Variants in EIF4G3 observed in about 807,000 individuals in gnomAD.
The protein encoded by EIF4G3 is eukaryotic translation initiation factor 4 gamma 3.
Under a neutral mutation model 186.4 loss-of-function variants are expected in EIF4G3, and 34 were observed. That is an observed-to-expected ratio of 0.18 (90% confidence interval 0.14 to 0.24). The LOEUF is 0.24. EIF4G3 is among the 10% of genes least tolerant of loss of function. EIF4G3 has a pLI of 1.00. For synonymous variants in EIF4G3, 673 were observed against 679.5 expected (o/e 0.99, Z 0.15); for missense variants, 1,536 against 1,948.5 (o/e 0.79, Z 3.99).
At chr1:21,044,387 T>C (rs900449190) in intron 4 of EIF4G3, among the ~76,000 whole-genome samples, 2 of 152,208 alleles carry the variant, frequency 1.3e-5, no homozygotes, top group Admixed American at 1.3e-4. Context: ...TAGATGGACA[T>C]GATGTGTTTC....
At position 20,956,412 on chromosome 1, in the gene EIF4G3, A is replaced by G. The variant is rs1225022626; in HGVS notation, c.715-6301T>C. Among the ~76,000 whole-genome samples, 5 of 152,134 alleles carry G rather than the reference A, an allele frequency of 3.3e-5. No individual in the cohort carries two copies. In the East Asian group the frequency reaches 9.6e-4, roughly 29 times the overall value. On this transcript the variant is annotated intron_variant, in intron 12 of 36. Transcript: ENST00000602326. ...ACAGAATCAACAGAGGAGAGGCAAG[A>G]CAGAAGCAGAGAGATGAGTGAGAAA...
intron 7 of EIF4G3, among the ~76,000 whole-genome samples, chr1:20,988,793 T>C (rs1244760047): frequency 2.0e-5 from 3 of 151,810 alleles, no homozygotes; most frequent in Non-Finnish European, 2.9e-5. Flanking sequence ...TCAAGCCTTA[T>C]TATTTAAGAA....
At chr1:21,030,853 G>A (rs2092676350) in intron 4 of EIF4G3, among the ~76,000 whole-genome samples, 1 of 152,042 alleles carries the variant, frequency 6.6e-6, no homozygotes, top group African/African-American at 2.4e-5. Context: ...CTGAATATGT[G>A]TCTATATACA....
chr1:20,994,498 A>C (rs983671707), intron 7 of EIF4G3, among the ~76,000 whole-genome samples: 8 of 152,170 alleles, frequency 5.3e-5, no homozygotes, highest in Non-Finnish European at 1.0e-4. Context: ...CAGCTACCTG[A>C]ATTTTCTGAA....
Position 20,942,249 on chromosome 1 carries a change from T to G in EIF4G3, c.905A>C (p.Gln302Pro). The G allele has an allele frequency of 1.2e-6, 2 of 1,614,090 alleles. No individual in the cohort carries two copies. Among genetic ancestry groups the G allele is most frequent in the Admixed American group, 3.3e-5 (2 of 60,024 alleles). ...RLVLSGEKKE[Q>P]EGQTSETTAI... is the part of the protein sequence containing the mutation. Reference sequence around the variant, plus strand: ...AGTAGTTTCAGATGTCTGGCCTTCTTGTTCTTTCTTCTCTCCACTGAGGAC... The same window carrying G: ...AGTAGTTTCAGATGTCTGGCCTTCTGGTTCTTTCTTCTCTCCACTGAGGAC... The change falls in exon 14 of 37, where the codon CAA becomes CCA. Residue 302 changes from glutamine (Q) to proline (P), a missense_variant. Around this residue, in one of 11 missense-constraint regions of EIF4G3, gnomAD observed 560 missense variants for 547.8 expected, o/e 1.02. Transcript: ENST00000602326.
At chr1:20,831,279 T>A (rs72652918) in intron 30 of EIF4G3, among the ~76,000 whole-genome samples, 1,938 of 26,908 alleles carry the variant, frequency 0.072, 46 homozygotes, top group African/African-American at 0.15. Context: ...AAAATATTAA[T>A]TTTTTTTTTT....
intron 4 of EIF4G3, among the ~76,000 whole-genome samples, chr1:21,014,342 A>T (rs886532668): frequency 1.3e-5 from 2 of 152,200 alleles, no homozygotes; most frequent in African/African-American, 4.8e-5. Context: ...TTTTAGGTTC[A>T]GGAGTGCATG....
intron 14 of EIF4G3, among the ~76,000 whole-genome samples, chr1:20,935,698 A>C (rs1192075529): frequency 6.6e-6 from 1 of 152,194 alleles, no homozygotes; most frequent in Non-Finnish European, 1.5e-5. Context: ...TTGTGTTAGG[A>C]ACATGGAAAG....
At chr1:20,971,982 T>C (rs372696334) in intron 11 of EIF4G3, among the ~76,000 whole-genome samples, 1 of 152,280 alleles carries the variant, frequency 6.6e-6, no homozygotes, top group East Asian at 1.9e-4. Context: ...AGTATTGCTA[T>C]AAATCACCCC....
At chr1:21,038,868 A>C (rs2093396051) in intron 4 of EIF4G3, among the ~76,000 whole-genome samples, 1 of 152,204 alleles carries the variant, frequency 6.6e-6, no homozygotes, top group South Asian at 2.1e-4. Flanking sequence ...TGTTGTGTCC[A>C]TTATGAAACA....
In EIF4G3 at chr1:20,881,001, A is replaced by AC. The variant is rs1491501836; in HGVS notation, c.2425-1482_2425-1481insG. On this transcript the variant is annotated intron_variant, in intron 19 of 36. Transcript: ENST00000602326. ...AAAATTTATATGAACACACACACAC[A>AC]AATACAAAACCCTAGAAGAGCCTAA... 1.6e-3 allele frequency among the ~76,000 whole-genome samples: 229 copies of AC among 139,032 alleles called. 2 individuals are homozygous for AC. Among genetic ancestry groups the AC allele is most frequent in the Middle Eastern group, 3.8e-3 (1 of 260 alleles). 91.2% of individuals were successfully genotyped at this position (139,032 alleles called of 152,430 possible).
At chr1:20,831,065 G>A (rs1046285981) in intron 30 of EIF4G3, among the ~76,000 whole-genome samples, 1 of 152,154 alleles carries the variant, frequency 6.6e-6, no homozygotes, top group African/African-American at 2.4e-5. Context: ...GGCATGTAGT[G>A]ACCATCACAG....
At chr1:20,865,562 A>T (rs566343502) in intron 20 of EIF4G3, among the ~76,000 whole-genome samples, 64 of 140,610 alleles carry the variant, frequency 4.6e-4, no homozygotes, top group East Asian at 8.1e-4. Context: ...GACCTTATTT[A>T]AAAAAAAAAA....
At chr1:20,863,595 C>A (rs1345432112) in intron 22 of EIF4G3, among the ~76,000 whole-genome samples, 1 of 151,840 alleles carries the variant, frequency 6.6e-6, no homozygotes, top group Non-Finnish European at 1.5e-5. Context: ...CAGGCATGCG[C>A]CACCATGCCT....
In EIF4G3 at chr1:21,026,258, C is replaced by T. The variant is rs147624276; in HGVS notation, c.-66-23450G>A. Among the ~76,000 whole-genome samples, 27 of 152,082 alleles carry T rather than the reference C, an allele frequency of 1.8e-4. No homozygotes were observed. In the East Asian group the frequency reaches 5.2e-3, roughly 29 times the overall value. On this transcript the variant is annotated intron_variant, in intron 4 of 36. Transcript: ENST00000602326. Reference sequence around the variant, plus strand: ...ATAAACCCACAAATATATGTTCAAACGATTTTTGAAAAGGGTACCAAAACC... The same window carrying T: ...ATAAACCCACAAATATATGTTCAAATGATTTTTGAAAAGGGTACCAAAACC...
intron 2 of EIF4G3, among the ~76,000 whole-genome samples, chr1:21,160,107 CA>C (rs34145998): frequency 1.1e-3 from 123 of 114,106 alleles, no homozygotes; most frequent in Middle Eastern, 4.3e-3. Flanking sequence ...AACTCCATCT[CA>C]AAAAAAAAAA....
intron 14 of EIF4G3, among the ~76,000 whole-genome samples, chr1:20,936,287 G>A (rs2095514525): frequency 6.6e-6 from 1 of 152,158 alleles, no homozygotes; most frequent in African/African-American, 2.4e-5. Flanking sequence ...CAAACAAGGT[G>A]GAGAAAACCT....
At chr1:21,100,958 C>T (rs2096503538) in intron 2 of EIF4G3, among the ~76,000 whole-genome samples, 1 of 152,114 alleles carries the variant, frequency 6.6e-6, no homozygotes, top group Non-Finnish European at 1.5e-5. Flanking sequence ...CTACTCCTGA[C>T]AAACTTCTCT....
intron 3 of EIF4G3, among the ~76,000 whole-genome samples, chr1:21,060,209 C>G (rs2094817232): frequency 6.6e-6 from 1 of 152,222 alleles, no homozygotes; most frequent in African/African-American, 2.4e-5. Context: ...CTTGGCCCTC[C>G]AAAGTGCTGA....
Sources: gnomAD v4.1 joint callset for allele counts (sites outside exome capture counted in the v4.1 genomes callset) on GRCh38, gnomAD v4.1.1 for gene constraint, gnomAD v4.1.1 regional missense constraint, MANE v1.5 for transcripts, NCBI Gene and HGNC (gene_info 2026-07-23, HGNC 2026-07-21) for gene names.